The following PASK variants were observed in gnomAD, a reference collection of about 807,000 sequenced individuals.
The protein encoded by PASK is PAS domain-containing serine/threonine-protein kinase.
PASK carries 110 observed loss-of-function variants against 121.0 expected under a neutral mutation model. The ratio of observed to expected loss-of-function variants is 0.91; its 90% confidence interval spans 0.78 to 1.06. The LOEUF (loss-of-function observed/expected upper bound fraction) is 1.06. Ranked by LOEUF, PASK falls within the 50% of genes least tolerant of loss-of-function variation. The pLI, the probability that PASK is intolerant of heterozygous loss-of-function variation, is 0.00. For synonymous variants in PASK, 686 were observed against 717.8 expected (o/e 0.96, Z 0.71); for missense variants, 1,643 against 1,702.3 (o/e 0.97, Z 0.61).
chr2:241,107,649 G>A (rs1250009456), intron 16 of PASK, 150 bp from the exon 17 acceptor site: 3 of 734,978 alleles, frequency 4.1e-6, no homozygotes, highest in South Asian at 1.5e-5. Context: ...AGCTGTGCTT[G>A]GACAGAAGCT....
chr2:241,106,783 T>C, intron 17 of PASK, 60 bp from the exon 18 acceptor site: 2 of 1,542,260 alleles, frequency 1.3e-6, no homozygotes, highest in East Asian at 4.5e-5. Context: ...TAAAATACTT[T>C]GCTTCTCACT....
At chr2:241,119,362 T>G (rs1464527060) in intron 12 of PASK, among the ~76,000 whole-genome samples, 2 of 152,000 alleles carry the variant, frequency 1.3e-5, no homozygotes, top group Non-Finnish European at 2.9e-5. Context: ...CTTGGCTGGC[T>G]AGTTGGGCAT....
intron 12 of PASK, chr2:241,118,766 C>T: frequency 3.4e-6 from 1 of 292,146 alleles, no homozygotes; most frequent in Non-Finnish European, 6.2e-6. Flanking sequence ...CTGGCAGGGG[C>T]CCACGGCGCA....
In PASK at chr2:241,133,269, G is replaced by A. The variant is rs2066253131; in HGVS notation, c.1307-239C>T. 10 of 578,296 alleles carry A rather than the reference G, an allele frequency of 1.7e-5. No individual in the cohort carries two copies. In the South Asian group the frequency reaches 1.9e-4, roughly 11 times the overall value. The allele number at this position is 578,296 out of a possible 1,614,324, so 35.8% of individuals were successfully genotyped here. A position where few individuals can be genotyped will look rare whatever the true frequency, so the allele number is the denominator to read the frequency against. On this transcript the variant is annotated intron_variant, in intron 8 of 17. Coordinates refer to ENST00000234040, the MANE Select transcript of PASK (RefSeq NM_015148.4). ...TGATCCTATTAACACCCAAGTCAGA[G>A]CACGGCACTCACCTGCTGACAACCC...
upstream of PASK, chr2:241,150,305 C>G: frequency 7.5e-7 from 1 of 1,336,698 alleles, no homozygotes. Flanking sequence ...AAATTACCTG[C>G]TCTGGGGGAG....
upstream of PASK, chr2:241,149,612 C>T: frequency 6.5e-7 from 1 of 1,528,228 alleles, no homozygotes; most frequent in Non-Finnish European, 8.8e-7. Context: ...ACGCACCAAA[C>T]ACCCCTACGG....
intron 14 of PASK, chr2:241,114,480 T>G: frequency 1.0e-6 from 1 of 997,998 alleles, no homozygotes; most frequent in Non-Finnish European, 1.2e-6. Context: ...TTACCGTTTC[T>G]TCCCCCTGTC....
chr2:241,126,979 G>A lies in PASK; in HGVS notation c.1936C>T (p.Pro646Ser), dbSNP rs868174550. 1 of 1,614,240 alleles carries A rather than the reference G, an allele frequency of 6.2e-7. No individual in the cohort carries two copies. The highest frequency in any genetic ancestry group is 2.2e-5 in the East Asian group (1 of 44,884). ...CGGTCGTTTTCCACTCCCAGCCACG[G>A]CTCATCTAGAGTAGGTGTCCCAAAC... ...LSFGTPTLDEPWLGVENDREE... is the reference protein window; with the variant it reads ...LSFGTPTLDESWLGVENDREE... Residue 646 changes from proline to serine, a missense_variant, in exon 10 of 18, where the codon CCG becomes TCG. Pro to Ser is a moderately conservative substitution (Grantham distance 74). Transcript: ENST00000234040.
Position 241,115,388 on chromosome 2 carries a change from T to A in PASK, c.3098A>T (p.Glu1033Val). ...KEVVVKFIKK[E>V]KVLEDCWIED... ...AATCCAACAATCCTCCAAGACCTTC[T>A]CCTTCTTAATAAACTTCACCACCAC... Residue 1033 changes from glutamate (E) to valine (V), a missense_variant, in exon 13 of 18, where the codon GAG becomes GTG. This residue lies in a region of PASK where 453 missense variants were observed against 511.2 expected (regional missense o/e 0.89). Transcript: ENST00000234040. 1 of 1,613,774 alleles carries A rather than the reference T, an allele frequency of 6.2e-7. No homozygotes were observed. Among genetic ancestry groups the A allele is most frequent in the African/African-American group, 1.3e-5 (1 of 74,922 alleles).
intron 12 of PASK, among the ~76,000 whole-genome samples, chr2:241,121,717 T>G (rs1270984234): frequency 6.6e-6 from 1 of 152,234 alleles, no homozygotes; most frequent in Non-Finnish European, 1.5e-5. Flanking sequence ...GCTGGAGTAG[T>G]CATACTAATA....
At chr2:241,150,085 C>CCA (rs1334632786), upstream of PASK, 76 of 1,271,252 alleles carry the variant, frequency 6.0e-5, no homozygotes, top group Non-Finnish European at 7.4e-5. Flanking sequence ...CACCTTGCAG[C>CCA]CACGGAAAGA....
intron 15 of PASK, among the ~76,000 whole-genome samples, chr2:241,110,332 G>A (rs1187807162): frequency 2.6e-5 from 4 of 152,240 alleles, no homozygotes; most frequent in African/African-American, 4.8e-5. Flanking sequence ...ACAGTCTGCC[G>A]ACCCTGGAGT....
intron 12 of PASK, among the ~76,000 whole-genome samples, chr2:241,121,205 T>G (rs2065592749): frequency 6.6e-6 from 1 of 152,236 alleles, no homozygotes; most frequent in Admixed American, 6.5e-5. Flanking sequence ...GTTATGCGAC[T>G]GACTACTGAT....
chr2:241,139,136 C>A (rs75312476), intron 4 of PASK, among the ~76,000 whole-genome samples: 6,203 of 152,228 alleles, frequency 0.041, 193 homozygotes, highest in Non-Finnish European at 0.064. Context: ...TTTCTTGAAC[C>A]AGTGATTTTC....
rs2065137940 is a variant in PASK, at chr2:241,112,210, G to A, written c.3533+30C>T. On this transcript the variant is annotated intron_variant, in intron 15 of 17. Transcript: ENST00000234040. This position sits in a 1 kb window ranked among gnomAD's most constrained non-coding sequence, Gnocchi z 5.2. The stretch of plus-strand genomic sequence containing the variant: ...CTCAGGGTCCTGACAGAGGACACGA[G>A]GACGGGCCGCACCGCAGCCGCATAC... 1 of 1,568,082 alleles carries A rather than the reference G, an allele frequency of 6.4e-7. No homozygotes were observed. Among genetic ancestry groups the A allele is most frequent in the African/African-American group, 1.3e-5 (1 of 74,100 alleles).
At chr2:241,131,834 C>T (rs111314473) in intron 9 of PASK, among the ~76,000 whole-genome samples, 6,474 of 150,376 alleles carry the variant, frequency 0.043, 359 homozygotes, top group East Asian at 0.21. Flanking sequence ...GGCGGGTGGA[C>T]CATGAGGTCA....
upstream of PASK, chr2:241,149,977 G>A: frequency 1.4e-6 from 2 of 1,420,532 alleles, no homozygotes; most frequent in Non-Finnish European, 1.8e-6. Flanking sequence ...TCCGCGCGGG[G>A]ACGCCGGGAG....
At chr2:241,134,411 A>G (rs2066309525) in intron 8 of PASK, 1 of 152,244 alleles carries the variant, frequency 6.6e-6, no homozygotes, top group Admixed American at 6.5e-5. Context: ...AAGGAGAACC[A>G]ACAGCCTAAC....
rs528429785 is a variant in PASK, at chr2:241,132,349, T to TA, written c.1463+524dup. 1.1e-3 allele frequency among the ~76,000 whole-genome samples: 158 copies of TA among 149,406 alleles called. 1 individual carries two copies. Among genetic ancestry groups the TA allele is most frequent in the Admixed American group, 2.5e-3 (37 of 15,022 alleles). On this transcript the variant is annotated intron_variant, in intron 9 of 17. Coordinates refer to ENST00000234040, the MANE Select transcript of PASK (RefSeq NM_015148.4). ...ACCATCCTGGCCAACATGGTGAAAC[T>TA]AAAAAAAATACAAAAAAGTAACCGG...
Sources: gnomAD v4.1 joint callset for allele counts (sites outside exome capture counted in the v4.1 genomes callset) on GRCh38, gnomAD v4.1.1 for gene constraint, gnomAD v4.1.1 regional missense constraint, Gnocchi (gnomAD v3.1) non-coding constraint, MANE v1.5 for transcripts, NCBI Gene and HGNC (gene_info 2026-07-23, HGNC 2026-07-21) for gene names.